Variants in MGAT5 observed in about 807,000 individuals in gnomAD.
The protein encoded by MGAT5 is alpha-1,6-mannosylglycoprotein 6-beta-N-acetylglucosaminyltransferase.
Under a neutral mutation model 94.3 loss-of-function variants are expected in MGAT5, and 30 were observed. The ratio of observed to expected loss-of-function variants is 0.32; its 90% CI spans 0.24 to 0.43. The LOEUF is 0.43. Ranked by LOEUF, MGAT5 falls within the 20% of genes least tolerant of loss-of-function variation. The probability of loss-of-function intolerance (pLI) is 1.00; values close to 1 mark genes in which losing one functional copy is unlikely to be tolerated. For synonymous variants in MGAT5, 310 were observed against 322.9 expected (o/e 0.96, Z 0.43); for missense variants, 691 against 905.5 (o/e 0.76, Z 3.04).
chr2:134,254,718 T>C (rs1034767237), intron 1 of MGAT5, 74 bp downstream of exon 1: 35 of 1,574,286 alleles, frequency 2.2e-5, no homozygotes, highest in Admixed American at 1.4e-4. Flanking sequence ...CTCCCAGATA[T>C]GGTCTTGTCA....
At chr2:134,338,543 T>C in intron 6 of MGAT5, 123 bp downstream of exon 6, 1 of 1,086,074 alleles carries the variant, frequency 9.2e-7, no homozygotes, top group Non-Finnish European at 1.3e-6. Context: ...GTGAATCTGC[T>C]CAGTCTCTTG....
intron 1 of MGAT5, among the ~76,000 whole-genome samples, chr2:134,265,070 T>C (rs949863355): frequency 6.6e-6 from 1 of 152,216 alleles, no homozygotes; most frequent in South Asian, 2.1e-4. Context: ...TGCAACCTGG[T>C]AACTGACTGC....
chr2:134,202,999 C>T (rs1484029095), intron 1 of MGAT5, among the ~76,000 whole-genome samples: 1 of 152,182 alleles, frequency 6.6e-6, no homozygotes, highest in African/African-American at 2.4e-5. Flanking sequence ...GCAAAATCAC[C>T]TATAAATGCA....
At chr2:134,143,531 G>A (rs1026785542) in intron 1 of MGAT5, among the ~76,000 whole-genome samples, 4 of 152,146 alleles carry the variant, frequency 2.6e-5, no homozygotes, top group Admixed American at 6.5e-5. Flanking sequence ...CTGAAACCGC[G>A]CTCGGCGCAT....
At chr2:134,139,766 C>A (rs889755400) in intron 1 of MGAT5, among the ~76,000 whole-genome samples, 3 of 152,072 alleles carry the variant, frequency 2.0e-5, no homozygotes, top group African/African-American at 7.2e-5. Flanking sequence ...GTAAAACAGC[C>A]CTGCTAGATT....
intron 5 of MGAT5, among the ~76,000 whole-genome samples, chr2:134,337,878 CAGTTTTCTT>C (rs1436478093): frequency 6.6e-6 from 1 of 152,126 alleles, no homozygotes; most frequent in East Asian, 1.9e-4. Context: ...GAATTGACTT[CAGTTTTCTT>C]AGAAGTCTGC....
chr2:134,356,688 C>G (rs1359272693), intron 9 of MGAT5, among the ~76,000 whole-genome samples: 2 of 152,156 alleles, frequency 1.3e-5, no homozygotes, highest in African/African-American at 4.8e-5. Context: ...CCAGGGTCCT[C>G]AAAACCCTGT....
At chr2:134,192,056 C>T (rs1679245925) in intron 1 of MGAT5, among the ~76,000 whole-genome samples, 1 of 148,146 alleles carries the variant, frequency 6.8e-6, no homozygotes, top group African/African-American at 2.5e-5. Flanking sequence ...GCGCCTTCCT[C>T]TTCCTCCTGG....
chr2:134,164,858 C>CAACA (rs1687896256), intron 1 of MGAT5, among the ~76,000 whole-genome samples: 1 of 150,276 alleles, frequency 6.7e-6, no homozygotes, highest in South Asian at 2.1e-4. Context: ...AAAACCAAAC[C>CAACA]AAACAAAGCA....
At chr2:134,220,861 T>A (rs975803140) in intron 1 of MGAT5, among the ~76,000 whole-genome samples, 1 of 152,212 alleles carries the variant, frequency 6.6e-6, no homozygotes, top group African/African-American at 2.4e-5. Flanking sequence ...GATGGTGTTC[T>A]TTTTGGATTC....
intron 1 of MGAT5, among the ~76,000 whole-genome samples, chr2:134,237,851 A>G (rs1197584463): frequency 6.6e-6 from 1 of 151,356 alleles, no homozygotes; most frequent in African/African-American, 2.4e-5. Flanking sequence ...CCTGGGTTCA[A>G]GCAATTCTCC....
chr2:134,237,270 C>T (rs1349724256), intron 1 of MGAT5, among the ~76,000 whole-genome samples: 2 of 152,120 alleles, frequency 1.3e-5, no homozygotes, highest in African/African-American at 2.4e-5. Context: ...TTAAGTCCCT[C>T]GTGTGAGACT....
At chr2:134,356,661 A>T (rs1679762373) in intron 9 of MGAT5, among the ~76,000 whole-genome samples, 1 of 152,150 alleles carries the variant, frequency 6.6e-6, no homozygotes. Context: ...AGTTGTGGCA[A>T]CTAGAGGCAA....
At chr2:134,374,289 G>A (rs1472639754) in intron 10 of MGAT5, among the ~76,000 whole-genome samples, 2 of 152,162 alleles carry the variant, frequency 1.3e-5, no homozygotes, top group African/African-American at 4.8e-5. Flanking sequence ...TACCATGCCA[G>A]TTGGAATACT....
intron 1 of MGAT5, among the ~76,000 whole-genome samples, chr2:134,143,977 G>T (rs929611576): frequency 7.2e-5 from 11 of 151,774 alleles, no homozygotes; most frequent in Admixed American, 1.3e-4. Context: ...GGAGGGAAAG[G>T]CTATGCTGGG....
chr2:134,120,891 G>A lies in MGAT5; in HGVS notation c.-143+600G>A, dbSNP rs1012094731. The stretch of plus-strand genomic sequence containing the variant: ...ATCCAGGAGGCCCGGGGGCGCCCCG[G>A]CTGTTAGGGGACGGCCCGCGGGTCC... On this transcript the variant is annotated intron_variant, in intron 1 of 16. Coordinates refer to the MGAT5 transcript ENST00000409645. Among the ~76,000 whole-genome samples, 8 of 152,062 alleles carry A rather than the reference G, an allele frequency of 5.3e-5. No homozygotes were observed. The South Asian group carries it at 6.2e-4, about 12-fold the overall frequency.
At chr2:134,313,970 G>A (rs1186913035) in intron 2 of MGAT5, among the ~76,000 whole-genome samples, 2 of 152,152 alleles carry the variant, frequency 1.3e-5, no homozygotes, top group East Asian at 3.9e-4. Context: ...CATTTCCACA[G>A]GTAGGAAGGT....
At chr2:134,428,779 G>C (rs1316942750) in intron 14 of MGAT5, among the ~76,000 whole-genome samples, 3 of 152,178 alleles carry the variant, frequency 2.0e-5, no homozygotes, top group African/African-American at 7.2e-5. Context: ...ATTGAAACCA[G>C]CTTTTTCTAA....
At chr2:134,391,574 CTCT>C (rs1682414041) in intron 10 of MGAT5, among the ~76,000 whole-genome samples, 1 of 152,162 alleles carries the variant, frequency 6.6e-6, no homozygotes, top group Non-Finnish European at 1.5e-5. Context: ...GATCTCTGGT[CTCT>C]TCTTAAAAGG....
Sources: allele counts gnomAD v4.1 joint callset (sites outside exome capture counted in the v4.1 genomes callset), GRCh38; gene constraint gnomAD v4.1.1; transcripts MANE v1.5; gene names NCBI Gene and HGNC (gene_info 2026-07-23, HGNC 2026-07-21).